Variants in FGFR2 observed in about 807,000 individuals in gnomAD.
FGFR2 encodes the protein BEK fibroblast growth factor receptor.
In FGFR2, 19 loss-of-function variants were observed where a neutral mutation model predicts 95.9. That is an observed-to-expected ratio of 0.20 (90% CI 0.14 to 0.29). The LOEUF is 0.29. Ranked by LOEUF, FGFR2 falls within the 10% of genes least tolerant of loss-of-function variation. FGFR2 has a pLI of 1.00. For missense variants in FGFR2, 707 were observed against 1,056.9 expected (o/e 0.67, Z 4.59); for synonymous variants, 392 against 393.3 (o/e 1.00, Z 0.04).
At chr10:121,543,932 C>T (rs909541497) in intron 5 of FGFR2, among the ~76,000 whole-genome samples, 1 of 152,190 alleles carries the variant, frequency 6.6e-6, no homozygotes, top group Non-Finnish European at 1.5e-5. Flanking sequence ...ACATCCACCG[C>T]CTGTTGAACT....
At chr10:121,555,100 G>A (rs182046366) in intron 4 of FGFR2, among the ~76,000 whole-genome samples, 147 of 152,264 alleles carry the variant, frequency 9.7e-4, no homozygotes, top group African/African-American at 3.1e-3. Context: ...CAGGCCAGGC[G>A]CGGTGGCTCA....
intron 9 of FGFR2, among the ~76,000 whole-genome samples, chr10:121,509,772 T>C (rs547377981): frequency 1.2e-4 from 19 of 152,102 alleles, no homozygotes; most frequent in Admixed American, 9.8e-4. Flanking sequence ...TGTGGGCCAC[T>C]GCGCCCGGTC....
intron 2 of FGFR2, among the ~76,000 whole-genome samples, chr10:121,571,908 A>G (rs1858829928): frequency 1.3e-5 from 2 of 151,498 alleles, no homozygotes; most frequent in African/African-American, 4.9e-5. Flanking sequence ...ACGCCATTGC[A>G]CTCCAGCCGG....
intron 6 of FGFR2, among the ~76,000 whole-genome samples, chr10:121,524,192 G>GCATAC (rs1851009915): frequency 6.7e-6 from 1 of 149,232 alleles, no homozygotes; most frequent in African/African-American, 2.5e-5. Flanking sequence ...GCAAATTACA[G>GCATAC]CATACCAAAT....
At chr10:121,509,747 T>C (rs1287440543) in intron 9 of FGFR2, among the ~76,000 whole-genome samples, 1 of 151,890 alleles carries the variant, frequency 6.6e-6, no homozygotes, top group African/African-American at 2.4e-5. Flanking sequence ...CCTCCCAAAG[T>C]GCTGGGATTA....
chr10:121,565,194 A>AG (rs60852727), intron 3 of FGFR2, among the ~76,000 whole-genome samples: 2 of 151,358 alleles, frequency 1.3e-5, no homozygotes, highest in Admixed American at 6.6e-5. Flanking sequence ...AAAAAAAAAA[A>AG]GCATGTATTT....
intron 8 of FGFR2, 25 bp from the exon 9 acceptor site, chr10:121,515,344 G>A (rs2134232828): frequency 6.2e-7 from 1 of 1,607,710 alleles, no homozygotes; most frequent in Non-Finnish European, 8.5e-7. Flanking sequence ...ACAGGAGGAG[G>A]AACAGATAAG....
At chr10:121,547,435 T>C (rs1248465833) in intron 5 of FGFR2, among the ~76,000 whole-genome samples, 1 of 150,066 alleles carries the variant, frequency 6.7e-6, no homozygotes, top group Non-Finnish European at 1.5e-5. Flanking sequence ...TCCTCTATCA[T>C]CCAGGCTGGA....
chr10:121,546,967 G>A (rs1370455836), intron 5 of FGFR2, among the ~76,000 whole-genome samples: 3 of 152,230 alleles, frequency 2.0e-5, no homozygotes, highest in African/African-American at 7.2e-5. Flanking sequence ...GCTCATGCCT[G>A]TAATCCCAGC....
intron 17 of FGFR2, chr10:121,481,922 C>T (rs1306602476): frequency 1.3e-5 from 4 of 299,774 alleles, no homozygotes; most frequent in Admixed American, 4.8e-5. Context: ...CTGCAACCTC[C>T]GCCTCCCCGG....
At chr10:121,528,276 A>G (rs1279667517) in intron 6 of FGFR2, among the ~76,000 whole-genome samples, 1 of 152,238 alleles carries the variant, frequency 6.6e-6, no homozygotes, top group Non-Finnish European at 1.5e-5. Context: ...TGCCCACTAA[A>G]TAAGTGTGGA....
intron 2 of FGFR2, among the ~76,000 whole-genome samples, chr10:121,574,461 G>A (rs796653982): frequency 8.5e-5 from 13 of 152,110 alleles, no homozygotes; most frequent in African/African-American, 1.2e-4. Flanking sequence ...TCCGGGAGGC[G>A]GGGGTTGCAG....
At position 121,518,698 on chromosome 10, in the gene FGFR2, G is replaced by C. The variant is rs1129312; in HGVS notation, c.940-1235C>G. 1 of 1,614,182 alleles carries C rather than the reference G, an allele frequency of 6.2e-7. No homozygotes were observed. On this transcript the variant is annotated intron_variant, in intron 7 of 17. Transcript: ENST00000358487. The surrounding 1 kb of genome is among the most constrained non-coding windows in gnomAD (Gnocchi z 4.0). Reference sequence around the variant, plus strand: ...CATTGTTACCTTGCTGTTTTGGCAGGACAGTGAGCCAGGCAGACTGGTTGG... The same window carrying C: ...CATTGTTACCTTGCTGTTTTGGCAGCACAGTGAGCCAGGCAGACTGGTTGG...
intron 13 of FGFR2, among the ~76,000 whole-genome samples, chr10:121,489,839 C>G (rs1414573509): frequency 6.6e-6 from 1 of 152,354 alleles, no homozygotes; most frequent in African/African-American, 2.4e-5. Context: ...TCTGCCCCTC[C>G]CCCTGAGACT....
rs749806452 is a variant in FGFR2 at position 121,593,731 on chromosome 10, C to T, written c.87G>A (p.Glu29=). 1.2e-6 allele frequency: 2 copies of T among 1,614,132 alleles called. No individual in the cohort carries two copies. The highest frequency in any genetic ancestry group is 1.1e-5 in the South Asian group (1 of 91,082). Residue 29 remains glutamate, a synonymous_variant, in exon 2 of 18, where the codon GAG becomes GAA. Transcript: ENST00000358487. ...TACCTTCTGGCTCTAATGTGGTATC[C>T]TCAACTAAACTGAAGGAGGGCCGGG... ...SLARPSFSLV[E]DTTLEPEEPP...
At chr10:121,533,750 G>C (rs376345466) in intron 6 of FGFR2, among the ~76,000 whole-genome samples, 63 of 152,310 alleles carry the variant, frequency 4.1e-4, no homozygotes, top group African/African-American at 1.4e-3. Context: ...ATCAAATGAA[G>C]AAGTCCGCTT....
At chr10:121,591,485 C>A (rs1297343814) in intron 2 of FGFR2, among the ~76,000 whole-genome samples, 2 of 152,172 alleles carry the variant, frequency 1.3e-5, no homozygotes, top group Non-Finnish European at 2.9e-5. Flanking sequence ...TCCTAACAAC[C>A]TTTTGGTGGA....
At chr10:121,481,809 G>A (rs2912798) in intron 17 of FGFR2, 24,515 of 207,574 alleles carry the variant, frequency 0.12, 2,220 homozygotes, top group Middle Eastern at 0.15. Flanking sequence ...GAACTTTAGT[G>A]CTTTTCCCGG....
chr10:121,545,533 A>G (rs1019345357), intron 5 of FGFR2, among the ~76,000 whole-genome samples: 3 of 152,216 alleles, frequency 2.0e-5, no homozygotes, highest in African/African-American at 7.2e-5. Context: ...GGAGCAGTCC[A>G]TAAACGTTGG....
Sources: gnomAD v4.1 joint callset for allele counts (sites outside exome capture counted in the v4.1 genomes callset) on GRCh38, gnomAD v4.1.1 for gene constraint, Gnocchi (gnomAD v3.1) non-coding constraint, MANE v1.5 for transcripts, NCBI Gene and HGNC (gene_info 2026-07-23, HGNC 2026-07-21) for gene names.